The following CCDC15 variants were observed in gnomAD, a reference collection of about 807,000 sequenced individuals.
CCDC15 encodes the protein coiled-coil domain-containing protein 15.
In CCDC15, 105 loss-of-function variants were observed where a neutral mutation model predicts 114.5. The observed-to-expected ratio is 0.92, with a 90% confidence interval of 0.78 to 1.08. CCDC15 has a LOEUF of 1.08. Among genes scored for constraint, CCDC15 ranks in the 50% least tolerant of loss-of-function variants. The pLI is 0.00. For synonymous variants in CCDC15, 334 were observed against 377.8 expected, an observed-to-expected ratio of 0.88 and a Z score of 1.34; for missense variants, 1,105 against 1,093.6, an observed-to-expected ratio of 1.01 and a Z score of -0.15.
intron 13 of CCDC15, among the ~76,000 whole-genome samples, chr11:125,028,982 G>A (rs1382770637): frequency 6.6e-6 from 1 of 152,140 alleles, no homozygotes; most frequent in African/African-American, 2.4e-5. Context: ...GAGGAGCAAG[G>A]AGAACCACTC....
At chr11:125,017,099 T>TA (rs1259519817) in intron 13 of CCDC15, among the ~76,000 whole-genome samples, 10 of 152,200 alleles carry the variant, frequency 6.6e-5, no homozygotes, top group African/African-American at 2.4e-4. Context: ...AAAACCACCT[T>TA]AGCAGCATTC....
chr11:125,002,517 C>T (rs1948496201), intron 11 of CCDC15, among the ~76,000 whole-genome samples: 1 of 152,060 alleles, frequency 6.6e-6, no homozygotes, highest in Non-Finnish European at 1.5e-5. Flanking sequence ...TCCTCTAAGT[C>T]TTATAGTATT....
chr11:125,004,328 A>G (rs1243900041), intron 12 of CCDC15, among the ~76,000 whole-genome samples: 1 of 151,850 alleles, frequency 6.6e-6, no homozygotes, highest in Non-Finnish European at 1.5e-5. Flanking sequence ...CCAGAATCAG[A>G]TGGGGAGCTT....
At chr11:125,028,198 C>A (rs1342138355) in intron 13 of CCDC15, among the ~76,000 whole-genome samples, 1 of 152,100 alleles carries the variant, frequency 6.6e-6, no homozygotes, top group Non-Finnish European at 1.5e-5. Context: ...TAATGTGATG[C>A]CTCCAGGTTT....
chr11:124,973,458 CT>C (rs1177087427), intron 4 of CCDC15, among the ~76,000 whole-genome samples: 1 of 151,392 alleles, frequency 6.6e-6, no homozygotes, highest in African/African-American at 2.4e-5. Context: ...ATCTAGAAGT[CT>C]TCCGCTTGGC....
At chr11:125,001,397 T>A (rs1948479436) in intron 11 of CCDC15, among the ~76,000 whole-genome samples, 1 of 152,236 alleles carries the variant, frequency 6.6e-6, no homozygotes, top group Non-Finnish European at 1.5e-5. Flanking sequence ...AAATAATGAA[T>A]GACTATAATT....
At chr11:124,976,255 A>AT (rs902513147) in intron 5 of CCDC15, among the ~76,000 whole-genome samples, 2 of 149,710 alleles carry the variant, frequency 1.3e-5, no homozygotes, top group Non-Finnish European at 1.5e-5. Flanking sequence ...ATAATTTTGT[A>AT]TTTTTTTCCA....
chr11:125,040,631 G>A lies in CCDC15; in HGVS notation c.2776G>A (p.Val926Ile), dbSNP rs370563927. 1.9e-6 allele frequency: 3 copies of A among 1,611,262 alleles called. No individual in the cohort carries two copies. The highest frequency in any genetic ancestry group is 2.5e-6 in the Non-Finnish European group (3 of 1,178,524). Reference sequence around the variant, plus strand: ...ACATTCATTCATCAATTCCTGTGATGTCCCTGGGGGTAATTCAACTCTTCG... The same window carrying A: ...ACATTCATTCATCAATTCCTGTGATATCCCTGGGGGTAATTCAACTCTTCG... ...ALHSFINSCD[V>I]PGGNSTLRVA... The change falls in exon 16 of 16, where the codon GTC becomes ATC. Residue 926 changes from valine (V) to isoleucine (I), a missense_variant. Transcript: ENST00000344762.
intron 13 of CCDC15, among the ~76,000 whole-genome samples, chr11:125,017,735 C>G (rs1948637817): frequency 6.6e-6 from 1 of 151,980 alleles, no homozygotes; most frequent in African/African-American, 2.4e-5. Context: ...TGAAAACTGT[C>G]CAGTGGGATA....
At position 125,040,901 on chromosome 11, in the gene CCDC15, T is replaced by C. The variant is rs11219874; in HGVS notation, c.*190T>C. The C allele has an allele frequency of 0.13, 75,855 of 597,868 alleles. 7,001 individuals are homozygous for C. The highest frequency in any genetic ancestry group is 0.38 in the East Asian group (13,153 of 34,542). 37.0% of individuals were successfully genotyped at this position (597,868 alleles called of 1,614,324 possible). A position where few individuals can be genotyped will look rare whatever the true frequency, so the allele number is the denominator to read the frequency against. ...CCAAGATTGAAAGCTGACTTACTTC[T>C]CTCTTCTGTCTTGTGAACCATACGG... On this transcript the variant is annotated 3_prime_UTR_variant, in exon 16 of 16. Transcript: ENST00000344762.
intron 13 of CCDC15, among the ~76,000 whole-genome samples, chr11:125,034,617 T>G (rs562729977): frequency 6.6e-6 from 1 of 152,200 alleles, no homozygotes; most frequent in African/African-American, 2.4e-5. Context: ...TCTCCACATA[T>G]GGTCAAAGTT....
At chr11:124,989,692 C>T (rs375834536) in intron 8 of CCDC15, among the ~76,000 whole-genome samples, 4 of 152,284 alleles carry the variant, frequency 2.6e-5, no homozygotes, top group East Asian at 1.9e-4. Flanking sequence ...CAGCACTTAC[C>T]GCTTCACCTT....
intron 4 of CCDC15, among the ~76,000 whole-genome samples, chr11:124,972,545 T>A (rs1947904053): frequency 6.6e-6 from 1 of 152,222 alleles, no homozygotes; most frequent in African/African-American, 2.4e-5. Context: ...ACATTAACTT[T>A]AGTCTTTGTA....
Position 125,023,340 on chromosome 11 carries a change from A to C in CCDC15, c.2412-15091A>C, listed in dbSNP as rs555889402. Among the ~76,000 whole-genome samples the C allele has an allele frequency of 2.6e-5, 4 of 152,142 alleles. No homozygotes were observed. The East Asian group carries it at 5.8e-4, about 22-fold the overall frequency. On this transcript the variant is annotated intron_variant, in intron 13 of 15. Coordinates refer to ENST00000344762, the MANE Select transcript of CCDC15 (RefSeq NM_025004.3). ...TTGGACTTCATCAAAATTAAAAACT[A>C]TCAGGAAAGTGAAAAGACAGCTACA...
intron 2 of CCDC15, among the ~76,000 whole-genome samples, chr11:124,955,873 C>T (rs1947539261): frequency 6.6e-6 from 1 of 152,136 alleles, no homozygotes; most frequent in Non-Finnish European, 1.5e-5. Flanking sequence ...GGTGGTATCT[C>T]TATCTAAGTT....
At position 125,040,885 on chromosome 11, in the gene CCDC15, A is replaced by C. The variant is rs1948812883; in HGVS notation, c.*174A>C. The C allele has an allele frequency of 1.6e-6, 1 of 630,456 alleles. No homozygotes were observed. The highest frequency in any genetic ancestry group is 2.7e-6 in the Non-Finnish European group (1 of 373,860). The allele number at this position is 630,456 out of a possible 1,614,324, so 39.1% of individuals were successfully genotyped here. ...AATCTCTGTCTGGGAACCAAGATTG[A>C]AAGCTGACTTACTTCTCTCTTCTGT... On this transcript the variant is annotated 3_prime_UTR_variant, in exon 16 of 16. Transcript: ENST00000344762.
chr11:125,022,063 A>C (rs924592092), intron 13 of CCDC15, among the ~76,000 whole-genome samples: 4 of 151,944 alleles, frequency 2.6e-5, no homozygotes, highest in Non-Finnish European at 5.9e-5. Context: ...ATCCCTAGCC[A>C]AGAGCTCCTG....
intron 4 of CCDC15, among the ~76,000 whole-genome samples, chr11:124,964,286 C>T (rs916629608): frequency 8.5e-5 from 13 of 152,128 alleles, no homozygotes; most frequent in African/African-American, 3.1e-4. Context: ...ATGGAATGTT[C>T]TTCCATTTGT....
intron 6 of CCDC15, among the ~76,000 whole-genome samples, chr11:124,985,894 G>C (rs1424121667): frequency 6.6e-6 from 1 of 151,602 alleles, no homozygotes; most frequent in South Asian, 2.1e-4. Flanking sequence ...TTCTTATGTT[G>C]CTTGTGCTTT....
Sources: gnomAD v4.1 joint callset for allele counts (sites outside exome capture counted in the v4.1 genomes callset) on GRCh38, gnomAD v4.1.1 for gene constraint, MANE v1.5 for transcripts, NCBI Gene and HGNC (gene_info 2026-07-23, HGNC 2026-07-21) for gene names.